Variants in GALNT13 observed in about 807,000 individuals in gnomAD.
GALNT13 encodes UDP-GalNAc:polypeptide N-acetylgalactosaminyltransferase 13.
GALNT13 carries 28 observed loss-of-function variants against 64.2 expected under a neutral mutation model. The observed-to-expected ratio is 0.44, with a 90% CI of 0.32 to 0.60. The LOEUF is 0.60. GALNT13 is among the 20% of genes least tolerant of loss of function. The probability of loss-of-function intolerance (pLI) is 0.05; values close to 1 mark genes in which losing one functional copy is unlikely to be tolerated. For missense variants in GALNT13, 577 were observed against 669.8 expected (o/e 0.86, Z 1.53); for synonymous variants, 214 against 224.6 (o/e 0.95, Z 0.42).
chr2:153,540,615 G>T, the GALNT13 span, among the ~76,000 whole-genome samples: 2 of 152,194 alleles, frequency 1.3e-5, no homozygotes, highest in Non-Finnish European at 2.9e-5. Context: ...GCAGCCCCCG[G>T]GCCTGTATCC....
At chr2:153,292,394 T>C in the GALNT13 span, among the ~76,000 whole-genome samples, 1 of 152,220 alleles carries the variant, frequency 6.6e-6, no homozygotes. Flanking sequence ...AAGCTGGATT[T>C]ATAATAACAA....
the GALNT13 span, among the ~76,000 whole-genome samples, chr2:153,146,185 T>C: frequency 5.2e-4 from 78 of 151,406 alleles, no homozygotes; most frequent in Non-Finnish European, 8.9e-4. Context: ...TTTTTTTTTT[T>C]CCAATGACCC....
chr2:153,293,417 G>T, the GALNT13 span, among the ~76,000 whole-genome samples: 6 of 152,028 alleles, frequency 3.9e-5, no homozygotes, highest in African/African-American at 1.4e-4. Flanking sequence ...GAGAGGGGGA[G>T]ATTTGAAGAT....
At chr2:153,725,300 C>T in the GALNT13 span, among the ~76,000 whole-genome samples, 1 of 146,900 alleles carries the variant, frequency 6.8e-6, no homozygotes, top group Non-Finnish European at 1.5e-5. Context: ...ACTCTGGGGA[C>T]TGTGGTGTGG....
chr2:153,823,926 A>C, the GALNT13 span, among the ~76,000 whole-genome samples: 2 of 152,150 alleles, frequency 1.3e-5, no homozygotes, highest in Non-Finnish European at 2.9e-5. Context: ...ACCAACAAAA[A>C]CCAAATAACC....
the GALNT13 span, among the ~76,000 whole-genome samples, chr2:153,473,573 T>G: frequency 6.6e-6 from 1 of 152,226 alleles, no homozygotes; most frequent in East Asian, 1.9e-4. Flanking sequence ...TGCATAGGTC[T>G]ACATGGGATT....
At chr2:153,646,192 T>A in the GALNT13 span, among the ~76,000 whole-genome samples, 6 of 152,042 alleles carry the variant, frequency 3.9e-5, no homozygotes, top group African/African-American at 1.4e-4. Flanking sequence ...AAATTGCAAA[T>A]AGCTGACTGA....
chr2:154,128,336 A>G (rs1017484816), intron 3 of GALNT13, among the ~76,000 whole-genome samples: 4 of 152,132 alleles, frequency 2.6e-5, no homozygotes, highest in African/African-American at 7.2e-5. Flanking sequence ...GGAATAGTAT[A>G]TGACCAATTT....
chr2:153,851,707 G>C, the GALNT13 span, among the ~76,000 whole-genome samples: 1 of 150,060 alleles, frequency 6.7e-6, no homozygotes, highest in East Asian at 1.9e-4. Context: ...AAAGAAAGAA[G>C]AACAACAACA....
intron 4 of GALNT13, among the ~76,000 whole-genome samples, chr2:154,221,678 AGGAGTT>A (rs1688331131): frequency 6.6e-6 from 1 of 152,136 alleles, no homozygotes; most frequent in Admixed American, 6.6e-5. Flanking sequence ...ATATGGAAAA[AGGAGTT>A]AGAGTTCAGA....
the GALNT13 span, among the ~76,000 whole-genome samples, chr2:153,371,954 C>T: frequency 3.9e-5 from 6 of 152,106 alleles, no homozygotes; most frequent in Admixed American, 2.6e-4. Context: ...AGTGCCTCTG[C>T]GTTTTGTTGG....
chr2:153,562,060 C>CTCTGTGTGTGTGTG, the GALNT13 span, among the ~76,000 whole-genome samples: 1,440 of 118,836 alleles, frequency 0.012, 20 homozygotes, highest in East Asian at 0.031. Context: ...CTCTCTCTCT[C>CTCTGTGTGTGTGTG]TGTGTGTGTG....
intron 10 of GALNT13, among the ~76,000 whole-genome samples, chr2:154,398,242 C>T (rs799806): frequency 0.34 from 52,311 of 152,032 alleles, 9,456 homozygotes; most frequent in African/African-American, 0.45. Flanking sequence ...CATCGATTCC[C>T]TTTTCTAAAA....
At chr2:154,181,245 A>G (rs1685941982) in intron 4 of GALNT13, among the ~76,000 whole-genome samples, 1 of 152,186 alleles carries the variant, frequency 6.6e-6, no homozygotes, top group Non-Finnish European at 1.5e-5. Flanking sequence ...TATCAGTAAC[A>G]CTTCGGGGAA....
chr2:153,149,262 C>T, the GALNT13 span, among the ~76,000 whole-genome samples: 5 of 151,958 alleles, frequency 3.3e-5, no homozygotes, highest in African/African-American at 7.2e-5. Flanking sequence ...GGTTAGAAGA[C>T]GTTACACAAC....
chr2:153,526,942 CA>C, the GALNT13 span, among the ~76,000 whole-genome samples: 11 of 151,754 alleles, frequency 7.2e-5, no homozygotes, highest in Admixed American at 2.0e-4. Context: ...CAGAACTGAG[CA>C]GAAGAAGAAA....
the GALNT13 span, among the ~76,000 whole-genome samples, chr2:153,661,818 T>C: frequency 0.011 from 1,667 of 152,314 alleles, 11 homozygotes; most frequent in Middle Eastern, 0.034. Context: ...TGCATATTTT[T>C]AATACTTGAG....
intron 3 of GALNT13, among the ~76,000 whole-genome samples, chr2:154,078,873 A>G (rs1701124711): frequency 6.6e-6 from 1 of 151,632 alleles, no homozygotes; most frequent in Admixed American, 6.6e-5. Context: ...AAGTTACTCA[A>G]TTTCTCTGTG....
intron 9 of GALNT13, among the ~76,000 whole-genome samples, chr2:154,363,014 C>CT (rs35203156): frequency 0.53 from 81,025 of 152,008 alleles, 21,927 homozygotes; most frequent in East Asian, 0.69. Context: ...CACTGTTTTG[C>CT]TTTCTCATTT....
Sources: allele counts gnomAD v4.1 joint callset (sites outside exome capture counted in the v4.1 genomes callset), GRCh38; gene constraint gnomAD v4.1.1; transcripts MANE v1.5; gene names NCBI Gene and HGNC (gene_info 2026-07-23, HGNC 2026-07-21).